Variants in SLC2A13 observed in about 807,000 individuals in gnomAD.
The protein encoded by SLC2A13 is proton myo-inositol cotransporter.
A neutral mutation model predicts 64.4 loss-of-function variants in SLC2A13; 32 were observed. The observed-to-expected ratio is 0.50, with a 90% CI of 0.37 to 0.67. The LOEUF is 0.67. Ranked by LOEUF, SLC2A13 falls within the 30% of genes least tolerant of loss-of-function variation. The probability of loss-of-function intolerance (pLI) is 0.00; values close to 1 mark genes in which losing one functional copy is unlikely to be tolerated. For missense variants in SLC2A13, 743 were observed against 829.2 expected, an observed-to-expected ratio of 0.90 and a Z score of 1.28; for synonymous variants, 338 against 327.1, an observed-to-expected ratio of 1.03 and a Z score of -0.36.
chr12:40,025,623 A>T (rs1947790826), intron 3 of SLC2A13, among the ~76,000 whole-genome samples: 1 of 152,224 alleles, frequency 6.6e-6, no homozygotes, highest in African/African-American at 2.4e-5. Flanking sequence ...AGGGTGTCTT[A>T]AACAACGTCT....
At chr12:40,050,391 T>C (rs1948235507) in intron 1 of SLC2A13, among the ~76,000 whole-genome samples, 1 of 152,168 alleles carries the variant, frequency 6.6e-6, no homozygotes, top group Non-Finnish European at 1.5e-5. Flanking sequence ...AGGTATGTCC[T>C]CAGACCCTGA....
chr12:39,833,789 T>C (rs944106335), intron 6 of SLC2A13, among the ~76,000 whole-genome samples: 1 of 151,772 alleles, frequency 6.6e-6, no homozygotes, highest in Non-Finnish European at 1.5e-5. Context: ...TCTTAGAAGA[T>C]GGCCTTGTCT....
Position 40,105,239 on chromosome 12 carries a change from G to T in SLC2A13, c.556+14C>A, listed in dbSNP as rs1293860886. On this transcript the variant is annotated intron_variant, in intron 1 of 9. Coordinates refer to ENST00000280871, the MANE Select transcript of SLC2A13 (RefSeq NM_052885.4). The surrounding 1 kb of genome is among the most constrained non-coding windows in gnomAD (Gnocchi z 4.2). Reference sequence around the variant, plus strand: ...AATGGGATCCCGGGCGCCCTTCACGGAGCCCGAACTCACCGATGCCGAGTC... The same window carrying T: ...AATGGGATCCCGGGCGCCCTTCACGTAGCCCGAACTCACCGATGCCGAGTC... 6.4e-7 allele frequency: 1 copy of T among 1,568,944 alleles called. No individual in the cohort carries two copies. The highest frequency in any genetic ancestry group is 1.8e-5 in the Admixed American group (1 of 55,414).
At chr12:39,980,311 T>C (rs1490478738) in intron 3 of SLC2A13, among the ~76,000 whole-genome samples, 2 of 151,800 alleles carry the variant, frequency 1.3e-5, no homozygotes, top group Non-Finnish European at 2.9e-5. Flanking sequence ...AGGATCAAAT[T>C]CACACATAAC....
At chr12:39,988,687 GAGGGAGGAAGGAAGGA>G (rs1226222623) in intron 3 of SLC2A13, among the ~76,000 whole-genome samples, 19 of 100,832 alleles carry the variant, frequency 1.9e-4, no homozygotes, top group Non-Finnish European at 2.8e-4. Context: ...AGAAGGGAGG[GAGGGAGGAAGGAAGGA>G]AGGAAGGAAG....
intron 3 of SLC2A13, among the ~76,000 whole-genome samples, chr12:39,954,164 A>C (rs1280385320): frequency 6.6e-6 from 1 of 152,206 alleles, no homozygotes; most frequent in East Asian, 1.9e-4. Flanking sequence ...AGATTTGGGA[A>C]ACAAATGAGG....
chr12:40,085,601 T>A (rs994741013), intron 1 of SLC2A13, among the ~76,000 whole-genome samples: 23 of 152,198 alleles, frequency 1.5e-4, no homozygotes, highest in African/African-American at 5.1e-4. Flanking sequence ...TTAAAAAATA[T>A]ACTTTTGAGT....
chr12:40,031,786 T>G (rs949202885), intron 2 of SLC2A13, among the ~76,000 whole-genome samples: 2 of 152,154 alleles, frequency 1.3e-5, no homozygotes, highest in African/African-American at 4.8e-5. Context: ...ATAGGAAAGA[T>G]AAATAAGAGG....
chr12:39,869,381 A>C (rs1271716862), intron 5 of SLC2A13, among the ~76,000 whole-genome samples: 1 of 152,184 alleles, frequency 6.6e-6, no homozygotes, highest in Non-Finnish European at 1.5e-5. Flanking sequence ...TGTACAGGTA[A>C]AAGAGGAGAC....
In SLC2A13 at chr12:40,105,551, GACGGCC is replaced by G; in HGVS notation, c.252_257del (p.Ala85_Val86del). ...ACAGGAAGCCGCCCAGCGCGGAGAA[GACGGCC>G]ACCACGTACACGAAGGCGGGGGTCT... On this transcript the variant is annotated inframe_deletion, in exon 1 of 10. Coordinates refer to ENST00000280871, the MANE Select transcript of SLC2A13 (RefSeq NM_052885.4). The surrounding 1 kb of genome is among the most constrained non-coding windows in gnomAD (Gnocchi z 4.2). The G allele has an allele frequency of 6.3e-7, 1 of 1,579,352 alleles. No homozygotes were observed. Among genetic ancestry groups the G allele is most frequent in the Non-Finnish European group, 8.6e-7 (1 of 1,165,444 alleles).
intron 4 of SLC2A13, among the ~76,000 whole-genome samples, chr12:39,919,618 T>C (rs927214357): frequency 2.2e-4 from 33 of 152,074 alleles, no homozygotes; most frequent in African/African-American, 7.3e-4. Context: ...GTATAGTTAA[T>C]ATAATGATGT....
intron 4 of SLC2A13, among the ~76,000 whole-genome samples, chr12:39,918,604 A>C (rs1339692236): frequency 6.6e-6 from 1 of 151,962 alleles, no homozygotes; most frequent in East Asian, 1.9e-4. Context: ...AAATAATCTG[A>C]CCTCCCAGAG....
At chr12:40,097,235 T>C (rs896263627) in intron 1 of SLC2A13, among the ~76,000 whole-genome samples, 7 of 152,186 alleles carry the variant, frequency 4.6e-5, no homozygotes, top group East Asian at 1.9e-4. Context: ...TCACAAAGAA[T>C]GTATTCTAGG....
intron 2 of SLC2A13, among the ~76,000 whole-genome samples, chr12:40,046,099 A>G (rs1948167884): frequency 1.3e-5 from 2 of 152,208 alleles, no homozygotes; most frequent in East Asian, 3.9e-4. Flanking sequence ...TACGCTAAAC[A>G]CTTTACATAT....
At chr12:39,892,776 T>TA (rs923962886) in intron 4 of SLC2A13, among the ~76,000 whole-genome samples, 2 of 151,760 alleles carry the variant, frequency 1.3e-5, no homozygotes, top group Non-Finnish European at 2.9e-5. Flanking sequence ...GCAACACAGG[T>TA]AAAAAAAATT....
intron 3 of SLC2A13, among the ~76,000 whole-genome samples, chr12:40,013,373 A>G (rs1045164844): frequency 1.3e-5 from 2 of 152,204 alleles, no homozygotes; most frequent in African/African-American, 4.8e-5. Flanking sequence ...CACTGTTCTC[A>G]CAGCCTTACA....
rs773094313 is a variant in SLC2A13, at chr12:39,760,200, A to G, written c.1773T>C (p.Tyr591=). ...TGCCTTTGGTCTCAGGAAGACAGCC[A>G]TAGATGAAAAGGAGTCCCACAGCAG... ...GFAAVGLLFI[Y]GCLPETKGKK... The change falls in exon 10 of 10, where the codon TAT becomes TAC. Residue 591 remains tyrosine, a synonymous_variant. Transcript: ENST00000280871. 11 of 1,612,734 alleles carry G rather than the reference A, an allele frequency of 6.8e-6. No individual in the cohort carries two copies. Among genetic ancestry groups the G allele is most frequent in the African/African-American group, 5.3e-5 (4 of 74,828 alleles).
At chr12:39,767,302 C>CT (rs112470893) in intron 7 of SLC2A13, among the ~76,000 whole-genome samples, 117,738 of 147,340 alleles carry the variant, frequency 0.8, 47,091 homozygotes, top group Non-Finnish European at 0.82. Flanking sequence ...TGAAAGGAAT[C>CT]TTTTTTTTCT....
chr12:40,052,372 G>C (rs1948273119), intron 1 of SLC2A13, among the ~76,000 whole-genome samples: 1 of 152,056 alleles, frequency 6.6e-6, no homozygotes, highest in Admixed American at 6.6e-5. Context: ...GTCTTTGTCA[G>C]TCTAGTTCTT....
Sources: gnomAD v4.1 joint callset for allele counts (sites outside exome capture counted in the v4.1 genomes callset) on GRCh38, gnomAD v4.1.1 for gene constraint, Gnocchi (gnomAD v3.1) non-coding constraint, MANE v1.5 for transcripts, NCBI Gene and HGNC (gene_info 2026-07-23, HGNC 2026-07-21) for gene names.